Variants in KIAA1328 observed in about 807,000 individuals in gnomAD.
KIAA1328 encodes KIAA1328, also known as protein hinderin.
KIAA1328 carries 52 observed loss-of-function variants against 68.1 expected under a neutral mutation model. The ratio of observed to expected loss-of-function variants is 0.76; its 90% CI spans 0.61 to 0.96. The LOEUF (loss-of-function observed/expected upper bound fraction) is 0.96. KIAA1328 is among the 40% of genes least tolerant of loss of function. The pLI is 0.00. For missense variants in KIAA1328, 641 were observed against 677.6 expected (o/e 0.95, Z 0.60); for synonymous variants, 232 against 239.4 (o/e 0.97, Z 0.28).
intron 5 of KIAA1328, among the ~76,000 whole-genome samples, chr18:36,928,034 T>A (rs1344686148): frequency 6.6e-6 from 1 of 152,222 alleles, no homozygotes; most frequent in East Asian, 1.9e-4. Context: ...AGCATTTATC[T>A]GATTTAGAAA....
At chr18:37,175,306 C>T (rs1422135932) in intron 9 of KIAA1328, among the ~76,000 whole-genome samples, 2 of 152,058 alleles carry the variant, frequency 1.3e-5, no homozygotes, top group Non-Finnish European at 2.9e-5. Flanking sequence ...AATGTTGCCC[C>T]AGTAAGAGTT....
chr18:37,139,738 T>C (rs1172534604), intron 7 of KIAA1328, among the ~76,000 whole-genome samples: 2 of 152,206 alleles, frequency 1.3e-5, no homozygotes, highest in Non-Finnish European at 2.9e-5. Context: ...ATGTCAAAGA[T>C]GAGACTTTTC....
intron 7 of KIAA1328, among the ~76,000 whole-genome samples, chr18:37,123,649 T>C (rs923462326): frequency 6.6e-6 from 1 of 151,738 alleles, no homozygotes; most frequent in African/African-American, 2.4e-5. Context: ...TAAAATAGAG[T>C]ATGTGATTTG....
intron 4 of KIAA1328, among the ~76,000 whole-genome samples, chr18:36,853,101 GT>G (rs2047267983): frequency 6.6e-6 from 1 of 151,980 alleles, no homozygotes; most frequent in Non-Finnish European, 1.5e-5. Context: ...AAACTAAACT[GT>G]TTTTTGGTTA....
chr18:36,838,688 T>C (rs2046758947), intron 3 of KIAA1328, among the ~76,000 whole-genome samples: 1 of 152,120 alleles, frequency 6.6e-6, no homozygotes. Context: ...GCTTTTAAGA[T>C]TTTCTTCTTA....
Position 37,133,525 on chromosome 18 carries a change from AT to A in KIAA1328, c.1233-26657del, listed in dbSNP as rs530477761. 9.7e-3 allele frequency among the ~76,000 whole-genome samples: 1,299 copies of A among 134,582 alleles called. 9 individuals are homozygous for A. Among genetic ancestry groups the A allele is most frequent in the African/African-American group, 0.023 (810 of 35,788 alleles). The allele number at this position is 134,582 out of a possible 152,430, so 88.3% of individuals were successfully genotyped here. A position where few individuals can be genotyped will look rare whatever the true frequency, so the allele number is the denominator to read the frequency against. On this transcript the variant is annotated intron_variant, in intron 7 of 9. Transcript: ENST00000280020. ...CAAAAGTCAACTTTTCTATATAGTAATTTTTTTTTTTTTTTTTTGAGACGGA... is the reference window on the plus strand; with the variant it reads ...CAAAAGTCAACTTTTCTATATAGTAATTTTTTTTTTTTTTTTTGAGACGGA...
At chr18:37,134,898 T>C (rs1003982067) in intron 7 of KIAA1328, among the ~76,000 whole-genome samples, 2 of 152,114 alleles carry the variant, frequency 1.3e-5, no homozygotes, top group African/African-American at 4.8e-5. Flanking sequence ...TTACCTTCTT[T>C]ATGTACAGAC....
chr18:37,223,353 C>T lies in KIAA1328; in HGVS notation c.*1126C>T, dbSNP rs2060598257. 2 of 985,388 alleles carry T rather than the reference C, an allele frequency of 2.0e-6. No homozygotes were observed. The highest frequency in any genetic ancestry group is 1.7e-5 in the African/African-American group (1 of 57,328). The allele number at this position is 985,388 out of a possible 1,614,324, so 61.0% of individuals were successfully genotyped here. A position where few individuals can be genotyped will look rare whatever the true frequency, so the allele number is the denominator to read the frequency against. On this transcript the variant is annotated 3_prime_UTR_variant, in exon 10 of 10. Coordinates refer to ENST00000280020, the MANE Select transcript of KIAA1328 (RefSeq NM_020776.3). ...GAAAGCCTATGGAAGTTATGCAGTGCAGACCTCATCCTGTCTGCTGTCTTT... is the reference window on the plus strand; with the variant it reads ...GAAAGCCTATGGAAGTTATGCAGTGTAGACCTCATCCTGTCTGCTGTCTTT...
At chr18:37,068,339 C>T (rs971097272) in intron 7 of KIAA1328, among the ~76,000 whole-genome samples, 1 of 152,124 alleles carries the variant, frequency 6.6e-6, no homozygotes, top group Non-Finnish European at 1.5e-5. Flanking sequence ...TGAAGCATGA[C>T]CTGTTGAATG....
At chr18:36,895,745 G>A (rs778913157) in intron 5 of KIAA1328, 14 of 456,126 alleles carry the variant, frequency 3.1e-5, no homozygotes, top group Non-Finnish European at 4.4e-5. Flanking sequence ...CAGTGAGAAT[G>A]TAGCTGAAGA....
In KIAA1328 at chr18:37,223,815, C is replaced by A. The variant is rs1053636617; in HGVS notation, c.*1588C>A. 2.0e-6 allele frequency: 2 copies of A among 985,192 alleles called. No individual in the cohort carries two copies. Among genetic ancestry groups the A allele is most frequent in the Non-Finnish European group, 2.4e-6 (2 of 829,856 alleles). 61.0% of individuals were successfully genotyped at this position (985,192 alleles called of 1,614,324 possible). A position where few individuals can be genotyped will look rare whatever the true frequency, so the allele number is the denominator to read the frequency against. Reference sequence around the variant, plus strand: ...GGCGCTGTCACCTCCACCCAGCCTTCTTTCACTTGGGGTTTTTTATTCTTT... The same window carrying A: ...GGCGCTGTCACCTCCACCCAGCCTTATTTCACTTGGGGTTTTTTATTCTTT... On this transcript the variant is annotated 3_prime_UTR_variant, in exon 10 of 10. Transcript: ENST00000280020.
chr18:37,058,466 A>G (rs1192418072), intron 6 of KIAA1328, among the ~76,000 whole-genome samples: 1 of 152,190 alleles, frequency 6.6e-6, no homozygotes, highest in East Asian at 1.9e-4. Flanking sequence ...TAATCCTAGC[A>G]CTTTGGGAGG....
intron 8 of KIAA1328, among the ~76,000 whole-genome samples, chr18:37,169,205 GC>G (rs2059450007): frequency 6.7e-6 from 1 of 148,252 alleles, no homozygotes; most frequent in Non-Finnish European, 1.5e-5. Context: ...TGGCACTGTC[GC>G]CCGGGCTGGA....
intron 4 of KIAA1328, among the ~76,000 whole-genome samples, chr18:36,860,451 T>C (rs898170587): frequency 6.6e-6 from 1 of 152,184 alleles, no homozygotes; most frequent in Non-Finnish European, 1.5e-5. Context: ...CAATTATAGC[T>C]GCATTTTTTT....
At chr18:37,149,844 T>C (rs989531146) in intron 7 of KIAA1328, among the ~76,000 whole-genome samples, 1 of 152,116 alleles carries the variant, frequency 6.6e-6, no homozygotes, top group Non-Finnish European at 1.5e-5. Context: ...TCTTTGAAAC[T>C]GTAAATAAAA....
chr18:37,058,768 G>T (rs1011610124), intron 6 of KIAA1328, among the ~76,000 whole-genome samples: 1 of 152,010 alleles, frequency 6.6e-6, no homozygotes, highest in Non-Finnish European at 1.5e-5. Flanking sequence ...CTGAACTCTA[G>T]TATGGATGTT....
chr18:37,106,043 T>C (rs1039636273), intron 7 of KIAA1328, among the ~76,000 whole-genome samples: 1 of 147,106 alleles, frequency 6.8e-6, no homozygotes, highest in African/African-American at 2.5e-5. Context: ...CTAGGTAACA[T>C]ACATCCACAC....
chr18:37,094,708 A>G (rs975166465), intron 7 of KIAA1328, among the ~76,000 whole-genome samples: 2 of 152,242 alleles, frequency 1.3e-5, no homozygotes, highest in South Asian at 2.1e-4. Flanking sequence ...TAACAAAATT[A>G]TAGGAGCAAT....
intron 5 of KIAA1328, among the ~76,000 whole-genome samples, chr18:36,944,088 T>A (rs1040597499): frequency 3.9e-5 from 6 of 152,248 alleles, no homozygotes; most frequent in African/African-American, 1.4e-4. Context: ...AAGAATTGGA[T>A]GTTTATCAAT....
Sources: allele counts gnomAD v4.1 joint callset (sites outside exome capture counted in the v4.1 genomes callset), GRCh38; gene constraint gnomAD v4.1.1; transcripts MANE v1.5; gene names NCBI Gene and HGNC (gene_info 2026-07-23, HGNC 2026-07-21).